The following MEMO1 variants were observed in gnomAD, a reference collection of about 807,000 sequenced individuals.
The protein encoded by MEMO1 is protein MEMO1.
In MEMO1, 6 loss-of-function variants were observed where a neutral mutation model predicts 45.2. That is an observed-to-expected ratio of 0.13 (90% confidence interval 0.07 to 0.26). MEMO1 has a LOEUF of 0.26. Among genes scored for constraint, MEMO1 ranks in the 10% least tolerant of loss-of-function variants. The probability of loss-of-function intolerance (pLI) is 1.00; values close to 1 mark genes in which losing one functional copy is unlikely to be tolerated. For missense variants in MEMO1, 184 were observed against 370.5 expected (o/e 0.50, Z 4.13); for synonymous variants, 78 against 124.3 (o/e 0.63, Z 2.48).
At chr2:31,987,097 G>A (rs1316844297) in intron 2 of MEMO1, among the ~76,000 whole-genome samples, 1 of 152,164 alleles carries the variant, frequency 6.6e-6, no homozygotes, top group African/African-American at 2.4e-5. Context: ...TTGACTTACT[G>A]GGCTCATGTA....
chr2:31,969,599 GTGT>G (rs1558542129), intron 2 of MEMO1, among the ~76,000 whole-genome samples: 41 of 144,890 alleles, frequency 2.8e-4, no homozygotes, highest in African/African-American at 1.1e-3. Context: ...GTGTGTGTGT[GTGT>G]GTGTGTGTGT....
intron 4 of MEMO1, among the ~76,000 whole-genome samples, chr2:31,930,700 C>T (rs1023511226): frequency 2.0e-5 from 3 of 151,926 alleles, no homozygotes; most frequent in Admixed American, 1.3e-4. Context: ...AGCTGGAGTG[C>T]GGTGGCGCGA....
chr2:31,903,580 T>A (rs79133124), intron 6 of MEMO1, among the ~76,000 whole-genome samples: 1 of 152,168 alleles, frequency 6.6e-6, no homozygotes, highest in Non-Finnish European at 1.5e-5. Context: ...AAAGAATGAT[T>A]TGCTATTATT....
intron 8 of MEMO1, among the ~76,000 whole-genome samples, chr2:31,870,600 G>A (rs1270617413): frequency 6.6e-6 from 1 of 151,920 alleles, no homozygotes; most frequent in Non-Finnish European, 1.5e-5. Flanking sequence ...TTTTTTAGAT[G>A]GAGTCTTGCT....
At chr2:31,875,431 T>C (rs1043424534) in intron 8 of MEMO1, among the ~76,000 whole-genome samples, 2 of 152,176 alleles carry the variant, frequency 1.3e-5, no homozygotes, top group Non-Finnish European at 2.9e-5. Context: ...ATGATTACTA[T>C]AGTAGGCAAT....
At chr2:31,922,186 G>C (rs545162939) in intron 4 of MEMO1, among the ~76,000 whole-genome samples, 3 of 152,040 alleles carry the variant, frequency 2.0e-5, no homozygotes, top group Non-Finnish European at 4.4e-5. Flanking sequence ...GTTCTTTTCT[G>C]TCAAAAATTT....
intron 2 of MEMO1, among the ~76,000 whole-genome samples, chr2:31,977,003 T>C (rs1670078783): frequency 6.6e-6 from 1 of 151,946 alleles, no homozygotes; most frequent in Non-Finnish European, 1.5e-5. Flanking sequence ...GGTAAACAAC[T>C]AAATAAAACA....
At chr2:31,965,128 G>A (rs953273313) in intron 2 of MEMO1, among the ~76,000 whole-genome samples, 3 of 151,950 alleles carry the variant, frequency 2.0e-5, no homozygotes, top group Non-Finnish European at 4.4e-5. Flanking sequence ...CAGGAGAATC[G>A]CTTGAACCGG....
At chr2:31,966,355 T>C (rs1668610884) in intron 2 of MEMO1, among the ~76,000 whole-genome samples, 1 of 152,210 alleles carries the variant, frequency 6.6e-6, no homozygotes, top group Admixed American at 6.5e-5. Flanking sequence ...TTCGGTGATC[T>C]GTCATTAGAG....
chr2:31,876,398 C>G (rs1255419926), intron 8 of MEMO1, among the ~76,000 whole-genome samples: 1 of 152,188 alleles, frequency 6.6e-6, no homozygotes, highest in Non-Finnish European at 1.5e-5. Flanking sequence ...CATTTACCAT[C>G]ATTTACCTTT....
intron 8 of MEMO1, among the ~76,000 whole-genome samples, chr2:31,870,403 A>G (rs933584009): frequency 8.5e-5 from 13 of 152,188 alleles, no homozygotes; most frequent in African/African-American, 3.1e-4. Flanking sequence ...AAAAATCAAG[A>G]GATAATTTTA....
At chr2:31,916,102 T>C (rs1306198667) in intron 6 of MEMO1, among the ~76,000 whole-genome samples, 1 of 152,168 alleles carries the variant, frequency 6.6e-6, no homozygotes, top group African/African-American at 2.4e-5. Context: ...TTGCTGGCTT[T>C]TAAGTTTCTA....
chr2:31,884,456 G>C (rs1317339553), intron 7 of MEMO1, among the ~76,000 whole-genome samples: 1 of 152,140 alleles, frequency 6.6e-6, no homozygotes, highest in Non-Finnish European at 1.5e-5. Context: ...TTCACGTTCA[G>C]AGCAATGTTG....
At chr2:31,939,868 C>T (rs1424081295) in intron 3 of MEMO1, among the ~76,000 whole-genome samples, 1 of 152,152 alleles carries the variant, frequency 6.6e-6, no homozygotes, top group African/African-American at 2.4e-5. Flanking sequence ...TCTATACTTA[C>T]GTCTTCATCG....
In MEMO1 at chr2:31,942,177, G is replaced by T. The variant is rs191074813; in HGVS notation, c.143+1125C>A. 7.2e-5 allele frequency among the ~76,000 whole-genome samples: 11 copies of T among 152,144 alleles called. No individual in the cohort carries two copies. The East Asian group carries it at 1.9e-3, about 27-fold the overall frequency. ...TCATTAACTGTGTATGTGCTAGCTT[G>T]CAGTTCTAAAAAGCAAACTCTAAAA... On this transcript the variant is annotated intron_variant, in intron 3 of 9. Transcript: ENST00000404530.
At chr2:32,009,637 C>T (rs1674560330) in intron 2 of MEMO1, among the ~76,000 whole-genome samples, 1 of 152,050 alleles carries the variant, frequency 6.6e-6, no homozygotes, top group Admixed American at 6.5e-5. Flanking sequence ...CGGGGGCAGA[C>T]CGAGAGAACT....
At chr2:31,975,367 T>C (rs1035314257) in intron 2 of MEMO1, among the ~76,000 whole-genome samples, 2 of 152,184 alleles carry the variant, frequency 1.3e-5, no homozygotes, top group Admixed American at 1.3e-4. Flanking sequence ...AAAATTCTCA[T>C]CTCCTGATCT....
At chr2:31,967,360 G>A (rs898670392) in intron 2 of MEMO1, among the ~76,000 whole-genome samples, 14 of 152,022 alleles carry the variant, frequency 9.2e-5, no homozygotes, top group African/African-American at 1.4e-4. Context: ...TCCTGACCTC[G>A]TGATCCGCCT....
intron 6 of MEMO1, among the ~76,000 whole-genome samples, chr2:31,892,909 T>C (rs564935648): frequency 8.5e-5 from 13 of 152,144 alleles, no homozygotes; most frequent in South Asian, 8.3e-4. Flanking sequence ...TAGAAACAGA[T>C]GTTCATTCAA....
Sources: allele counts gnomAD v4.1 joint callset (sites outside exome capture counted in the v4.1 genomes callset), GRCh38; gene constraint gnomAD v4.1.1; transcripts MANE v1.5; gene names NCBI Gene and HGNC (gene_info 2026-07-23, HGNC 2026-07-21).